The following CELF2 variants were observed in gnomAD, a reference collection of about 807,000 sequenced individuals.
CELF2 encodes CUGBP Elav-like family member 2, also known as CUG triplet repeat RNA-binding protein 2.
A neutral mutation model predicts 62.6 loss-of-function variants in CELF2; 8 were observed. The observed-to-expected ratio is 0.13, with a 90% confidence interval of 0.07 to 0.23. CELF2 has a LOEUF of 0.23. Ranked by LOEUF, CELF2 falls within the 10% of genes least tolerant of loss-of-function variation. The pLI, the probability that CELF2 is intolerant of heterozygous loss-of-function variation, is 1.00. For missense variants in CELF2, 333 were observed against 671.0 expected (o/e 0.50, Z 5.56); for synonymous variants, 258 against 250.0 (o/e 1.03, Z -0.30).
At chr10:11,106,096 A>G (rs1275479023) in intron 1 of CELF2, among the ~76,000 whole-genome samples, 2 of 152,242 alleles carry the variant, frequency 1.3e-5, no homozygotes, top group Admixed American at 1.3e-4. Context: ...ATTATCAGAT[A>G]TGTCTTGATC....
chr10:11,041,619 C>T (rs1200596283), intron 1 of CELF2, among the ~76,000 whole-genome samples: 1 of 152,204 alleles, frequency 6.6e-6, no homozygotes, highest in Non-Finnish European at 1.5e-5. Flanking sequence ...GTTCTCAACT[C>T]ATTCGTAGTT....
chr10:10,765,982 G>A, the CELF2 span, among the ~76,000 whole-genome samples: 6 of 152,190 alleles, frequency 3.9e-5, no homozygotes, highest in Non-Finnish European at 4.4e-5. Flanking sequence ...AGCTCCTCAG[G>A]AGAGTCAGGA....
chr10:10,767,071 T>C, the CELF2 span, among the ~76,000 whole-genome samples: 1 of 152,172 alleles, frequency 6.6e-6, no homozygotes, highest in Non-Finnish European at 1.5e-5. Flanking sequence ...TCGCCGTCTT[T>C]TGGGGCTATG....
chr10:10,466,144 G>A, the CELF2 span, among the ~76,000 whole-genome samples: 8 of 152,116 alleles, frequency 5.3e-5, no homozygotes, highest in Admixed American at 4.6e-4. Flanking sequence ...TTATACACCT[G>A]TGAAGCCACA....
At chr10:10,601,257 C>G in the CELF2 span, among the ~76,000 whole-genome samples, 1 of 152,074 alleles carries the variant, frequency 6.6e-6, no homozygotes, top group Non-Finnish European at 1.5e-5. Flanking sequence ...ATCAAAAGCC[C>G]TAAGGGGGAA....
chr10:11,299,968 C>T (rs1010817580), intron 9 of CELF2, among the ~76,000 whole-genome samples: 1 of 152,192 alleles, frequency 6.6e-6, no homozygotes, highest in Non-Finnish European at 1.5e-5. Context: ...TTGCCCCGCT[C>T]GTAGGAGATC....
chr10:11,023,829 C>T (rs1487533285), intron 1 of CELF2, among the ~76,000 whole-genome samples: 1 of 152,152 alleles, frequency 6.6e-6, no homozygotes, highest in Non-Finnish European at 1.5e-5. Context: ...TTATGAACTG[C>T]AGATTGTATG....
At position 10,875,662 on chromosome 10, in the gene CELF2, G is replaced by A. The variant is rs575950342; in HGVS notation, c.54-44302G>A. Among the ~76,000 whole-genome samples, 14 of 152,286 alleles carry A rather than the reference G, an allele frequency of 9.2e-5. No homozygotes were observed. The East Asian group carries it at 2.1e-3, about 23-fold the overall frequency. On this transcript the variant is annotated intron_variant, in intron 1 of 13. Transcript: ENST00000636488. Reference sequence around the variant, plus strand: ...CCTGCCTGTGCTGGGGTGGGAGGATGAGGGATAAGCACCTTACATCTAATC... The same window carrying A: ...CCTGCCTGTGCTGGGGTGGGAGGATAAGGGATAAGCACCTTACATCTAATC...
At chr10:10,996,270 C>T (rs758526520) in intron 2 of CELF2, among the ~76,000 whole-genome samples, 17 of 152,224 alleles carry the variant, frequency 1.1e-4, no homozygotes, top group Non-Finnish European at 1.8e-4. Context: ...AGTGCCCCTA[C>T]TCCAGCCCCC....
chr10:10,686,299 T>C, the CELF2 span, among the ~76,000 whole-genome samples: 1 of 49,464 alleles, frequency 2.0e-5, no homozygotes, highest in Non-Finnish European at 6.8e-5. Context: ...GATTTGGGTT[T>C]TTGGATTTTT....
At chr10:10,559,260 G>A in the CELF2 span, among the ~76,000 whole-genome samples, 4 of 152,258 alleles carry the variant, frequency 2.6e-5, no homozygotes, top group East Asian at 5.8e-4. Flanking sequence ...TGAAGAATTC[G>A]ATGTTTTCTC....
chr10:11,304,550 G>A (rs892185775), intron 9 of CELF2, among the ~76,000 whole-genome samples: 4 of 152,220 alleles, frequency 2.6e-5, no homozygotes, highest in Non-Finnish European at 2.9e-5. Context: ...GAGGCAGTGC[G>A]GGGCATCACA....
intron 1 of CELF2, among the ~76,000 whole-genome samples, chr10:11,029,479 G>A (rs1327638382): frequency 5.3e-5 from 8 of 152,180 alleles, no homozygotes; most frequent in Admixed American, 5.2e-4. Context: ...TCCACGACGG[G>A]CCAGGGGAAT....
At chr10:11,310,986 G>A (rs1018112417) in intron 9 of CELF2, among the ~76,000 whole-genome samples, 8 of 152,144 alleles carry the variant, frequency 5.3e-5, no homozygotes, top group South Asian at 2.1e-4. Flanking sequence ...TTGGTGAACC[G>A]AATAAATTCT....
chr10:11,058,461 G>GTTTTTTT (rs67113152), intron 1 of CELF2, among the ~76,000 whole-genome samples: 102 of 116,776 alleles, frequency 8.7e-4, no homozygotes, highest in East Asian at 3.4e-3. Context: ...TTTTTTGTTG[G>GTTTTTTT]TTTTTTTTTT....
At chr10:10,666,679 G>T in the CELF2 span, among the ~76,000 whole-genome samples, 2 of 83,286 alleles carry the variant, frequency 2.4e-5, 1 homozygote, top group South Asian at 1.4e-3. Flanking sequence ...TGGCTAACAC[G>T]GTGAAACCCC....
At chr10:11,154,514 C>T (rs1564970324) in intron 1 of CELF2, among the ~76,000 whole-genome samples, 1 of 152,244 alleles carries the variant, frequency 6.6e-6, no homozygotes, top group Non-Finnish European at 1.5e-5. Flanking sequence ...GCAGAGAACT[C>T]TGGAAGTCCT....
At chr10:10,630,591 G>A in the CELF2 span, among the ~76,000 whole-genome samples, 5 of 152,254 alleles carry the variant, frequency 3.3e-5, no homozygotes, top group Admixed American at 6.5e-5. Flanking sequence ...GCTGTAAAAC[G>A]TTTTGTAGCC....
chr10:10,541,507 A>G, the CELF2 span, among the ~76,000 whole-genome samples: 2 of 152,324 alleles, frequency 1.3e-5, no homozygotes. Context: ...TCTTGATTAC[A>G]TGCTAAACAA....
Sources: allele counts gnomAD v4.1 joint callset (sites outside exome capture counted in the v4.1 genomes callset), GRCh38; gene constraint gnomAD v4.1.1; transcripts MANE v1.5; gene names NCBI Gene and HGNC (gene_info 2026-07-23, HGNC 2026-07-21).